ATAD1: variants seen among roughly 807,000 people sequenced by gnomAD.
ATAD1 encodes the protein outer mitochondrial transmembrane helix translocase.
A neutral mutation model predicts 42.7 loss-of-function variants in ATAD1; 18 were observed. The observed-to-expected ratio is 0.42, with a 90% CI of 0.29 to 0.63. The LOEUF is 0.63. Ranked by LOEUF, ATAD1 falls within the 20% of genes least tolerant of loss-of-function variation. The pLI is 0.19. For missense variants in ATAD1, 294 were observed against 440.4 expected, an observed-to-expected ratio of 0.67 and a Z score of 2.98; for synonymous variants, 132 against 143.1, an observed-to-expected ratio of 0.92 and a Z score of 0.55.
At position 87,797,662 on chromosome 10, in the gene ATAD1, C is replaced by T. The variant is rs376896761; in HGVS notation, c.163-4907G>A. ...GGGTACCAGAGATTATCTTGTACCACGAGAGGATTTGACCTTGGTGTGTGT... is the reference window on the plus strand; with the variant it reads ...GGGTACCAGAGATTATCTTGTACCATGAGAGGATTTGACCTTGGTGTGTGT... On this transcript the variant is annotated intron_variant, in intron 2 of 9. Coordinates refer to ENST00000680024, the MANE Select transcript of ATAD1 (RefSeq NM_001321967.2). Among the ~76,000 whole-genome samples, 202 of 152,140 alleles carry T rather than the reference C, an allele frequency of 1.3e-3. 4 individuals are homozygous for T. The South Asian group carries it at 0.039, about 29-fold the overall frequency.
chr10:87,776,214 TAATTATGAAAA>T, intron 6 of ATAD1, 96 bp downstream of exon 6: 1 of 771,806 alleles, frequency 1.3e-6, no homozygotes, highest in South Asian at 1.7e-5. Context: ...TAAGTGTAAA[TAATTATGAAAA>T]AAAAGTTTGT....
At chr10:87,775,575 GA>G (rs1190883596) in intron 6 of ATAD1, among the ~76,000 whole-genome samples, 2 of 138,284 alleles carry the variant, frequency 1.4e-5, no homozygotes, top group East Asian at 4.2e-4. Flanking sequence ...CAATCTGGCT[GA>G]AAAAACAAAC....
chr10:87,798,305 TGAG>T (rs2131976084), intron 2 of ATAD1, among the ~76,000 whole-genome samples: 1 of 152,274 alleles, frequency 6.6e-6, no homozygotes, highest in Non-Finnish European at 1.5e-5. Flanking sequence ...GTTCTAAGAA[TGAG>T]GAGAATGATC....
chr10:87,832,073 G>GTTTT, intron 1 of ATAD1: 1 of 104,054 alleles, frequency 9.6e-6, no homozygotes, highest in Non-Finnish European at 2.1e-5. Context: ...GATTGTTATG[G>GTTTT]CTTTTTTTTT....
At chr10:87,801,816 C>T (rs562969450) in intron 2 of ATAD1, among the ~76,000 whole-genome samples, 5 of 152,178 alleles carry the variant, frequency 3.3e-5, no homozygotes, top group African/African-American at 4.8e-5. Context: ...ATTGTGACAT[C>T]AAAATAGAAG....
intron 2 of ATAD1, among the ~76,000 whole-genome samples, chr10:87,799,927 T>G (rs1856603232): frequency 6.6e-6 from 1 of 151,376 alleles, no homozygotes; most frequent in Non-Finnish European, 1.5e-5. Context: ...ATAAAGAGGG[T>G]TGTTTTGGTA....
chr10:87,840,449 C>T (rs1162270378), intron 1 of ATAD1, among the ~76,000 whole-genome samples: 2 of 152,110 alleles, frequency 1.3e-5, no homozygotes, highest in Non-Finnish European at 2.9e-5. Flanking sequence ...TGCGCCATTG[C>T]ACTCCAGCCT....
intron 8 of ATAD1, among the ~76,000 whole-genome samples, chr10:87,763,453 GT>G (rs1431470873): frequency 2.6e-5 from 4 of 152,212 alleles, no homozygotes; most frequent in African/African-American, 9.6e-5. Context: ...GAGGTCAGGA[GT>G]TCAAAACCTG....
chr10:87,812,143 A>G (rs1857213828), intron 2 of ATAD1, among the ~76,000 whole-genome samples: 1 of 152,120 alleles, frequency 6.6e-6, no homozygotes, highest in Admixed American at 6.6e-5. Context: ...TGCTTCTAGT[A>G]CCTCTTGACT....
chr10:87,767,653 A>T lies in ATAD1; in HGVS notation c.831+20T>A, dbSNP rs746938466. On this transcript the variant is annotated intron_variant, in intron 8 of 9. Transcript: ENST00000680024. ...CATCAGATTTATAGGACGGGGAAAA[A>T]ATTTTTATTTTCTACTTACATTTTC... 17 of 1,596,472 alleles carry T rather than the reference A, an allele frequency of 1.1e-5. No homozygotes were observed. Among genetic ancestry groups the T allele is most frequent in the Non-Finnish European group, 1.4e-5 (16 of 1,170,908 alleles).
chr10:87,774,367 C>T (rs1485293589), intron 6 of ATAD1, among the ~76,000 whole-genome samples: 2 of 152,100 alleles, frequency 1.3e-5, no homozygotes, highest in Non-Finnish European at 2.9e-5. Context: ...TATACAGATA[C>T]AGAGTGATTA....
intron 2 of ATAD1, among the ~76,000 whole-genome samples, chr10:87,798,650 G>A (rs915454277): frequency 1.3e-5 from 2 of 150,700 alleles, no homozygotes; most frequent in Non-Finnish European, 3.0e-5. Context: ...GTGTGTGTGT[G>A]TGTGTATTTA....
Position 87,763,276 on chromosome 10 carries a change from C to A in ATAD1, c.831+4397G>T, listed in dbSNP as rs551505837. Among the ~76,000 whole-genome samples the A allele has an allele frequency of 1.2e-4, 19 of 152,120 alleles. No individual in the cohort carries two copies. The South Asian group carries it at 2.9e-3, about 23-fold the overall frequency. On this transcript the variant is annotated intron_variant, in intron 8 of 9. Transcript: ENST00000680024. Reference sequence around the variant, plus strand: ...TAAAGGGCTCTATGACATGCTCCCCCCAAAATGATTCATAACCACTGATCC... The same window carrying A: ...TAAAGGGCTCTATGACATGCTCCCCACAAAATGATTCATAACCACTGATCC...
intron 1 of ATAD1, among the ~76,000 whole-genome samples, chr10:87,838,144 C>A (rs1857961836): frequency 6.6e-6 from 1 of 152,148 alleles, no homozygotes; most frequent in Non-Finnish European, 1.5e-5. Context: ...AGTCTTTTTC[C>A]CCAATTCACT....
At chr10:87,812,268 A>G (rs1257783871) in intron 2 of ATAD1, among the ~76,000 whole-genome samples, 2 of 152,038 alleles carry the variant, frequency 1.3e-5, no homozygotes, top group Non-Finnish European at 2.9e-5. Context: ...ATTGGTCAAC[A>G]GCATATTTAT....
intron 1 of ATAD1, chr10:87,814,858 A>C (rs529801701): frequency 1.6e-5 from 4 of 242,698 alleles, no homozygotes; most frequent in Non-Finnish European, 3.1e-5. Flanking sequence ...TGGTAGTAGA[A>C]TTAATCATTT....
chr10:87,769,056 G>A (rs1327997706), intron 7 of ATAD1, among the ~76,000 whole-genome samples: 1 of 152,134 alleles, frequency 6.6e-6, no homozygotes, highest in Admixed American at 6.5e-5. Flanking sequence ...GGCTGACAGA[G>A]CAAGACTCTG....
At chr10:87,807,865 A>G (rs895236975) in intron 2 of ATAD1, among the ~76,000 whole-genome samples, 2 of 152,204 alleles carry the variant, frequency 1.3e-5, no homozygotes, top group African/African-American at 4.8e-5. Context: ...TTCCCTATTT[A>G]TAGACTTTTG....
intron 5 of ATAD1, 131 bp downstream of exon 5, chr10:87,784,339 A>G: frequency 1.3e-6 from 1 of 774,066 alleles, no homozygotes; most frequent in Non-Finnish European, 2.0e-6. Flanking sequence ...AATTATACAT[A>G]GCATATTATG....
Sources: allele counts gnomAD v4.1 joint callset (sites outside exome capture counted in the v4.1 genomes callset), GRCh38; gene constraint gnomAD v4.1.1; transcripts MANE v1.5; gene names NCBI Gene and HGNC (gene_info 2026-07-23, HGNC 2026-07-21).